The following GABRA5 variants were observed in gnomAD, a reference collection of about 807,000 sequenced individuals.
GABRA5 encodes the protein gamma-aminobutyric acid type A receptor subunit alpha5.
GABRA5 carries 18 observed loss-of-function variants against 47.3 expected under a neutral mutation model. The ratio of observed to expected loss-of-function variants is 0.38; its 90% CI spans 0.26 to 0.56. The LOEUF (loss-of-function observed/expected upper bound fraction) is 0.56, where lower values mean the gene tolerates loss of function less well. Ranked by LOEUF, GABRA5 falls within the 20% of genes least tolerant of loss-of-function variation. The pLI, the probability that GABRA5 is intolerant of heterozygous loss-of-function variation, is 0.71. For missense variants in GABRA5, 365 were observed against 599.3 expected (o/e 0.61, Z 4.08); for synonymous variants, 237 against 229.3 (o/e 1.03, Z -0.30).
chr15:26,884,374 T>C (rs905353054), intron 6 of GABRA5, among the ~76,000 whole-genome samples: 3 of 152,212 alleles, frequency 2.0e-5, no homozygotes, highest in Admixed American at 1.3e-4. Flanking sequence ...TTCATTGCCT[T>C]GGATAAATCA....
Position 26,880,009 on chromosome 15 carries a change from C to G in GABRA5, c.87-837C>G, listed in dbSNP as rs1432332269. On this transcript the variant is annotated intron_variant, in intron 3 of 10. Transcript: ENST00000335625. ...AGCTGTAGAAACCTGAGGTGGGATC[C>G]ATGCTCTTCAGCTGTGGGGCTGTCT... Among the ~76,000 whole-genome samples the G allele has an allele frequency of 2.0e-5, 3 of 152,192 alleles. No homozygotes were observed. The South Asian group carries it at 6.2e-4, about 32-fold the overall frequency.
rs148594278 is a variant in GABRA5 at position 26,923,372 on chromosome 15, G to A, written c.580+8487G>A. On this transcript the variant is annotated intron_variant, in intron 7 of 10. Coordinates refer to ENST00000335625, the MANE Select transcript of GABRA5 (RefSeq NM_000810.4). The stretch of plus-strand genomic sequence containing the variant: ...ACTGAAGATATTTCACTGGATATGG[G>A]ATTAAGCTTTGACAGTTCTTTTGGC... Among the ~76,000 whole-genome samples, 71 of 152,280 alleles carry A rather than the reference G, an allele frequency of 4.7e-4. No individual in the cohort carries two copies. In the East Asian group the frequency reaches 0.013, roughly 27 times the overall value.
chr15:26,943,506 G>T (rs569156389), intron 10 of GABRA5, 80 bp downstream of exon 10: 2 of 1,288,950 alleles, frequency 1.6e-6, no homozygotes, highest in Non-Finnish European at 2.2e-6. Flanking sequence ...CATGAGACAA[G>T]GTGCTGCTCC....
chr15:26,915,063 A>G (rs1893688792), intron 7 of GABRA5, among the ~76,000 whole-genome samples, 178 bp downstream of exon 7: 1 of 152,232 alleles, frequency 6.6e-6, no homozygotes, highest in South Asian at 2.1e-4. Flanking sequence ...AAATGGGGTC[A>G]TTAACACCTG....
At chr15:26,905,585 C>A (rs907924048) in intron 6 of GABRA5, among the ~76,000 whole-genome samples, 1 of 151,626 alleles carries the variant, frequency 6.6e-6, no homozygotes, top group Non-Finnish European at 1.5e-5. Flanking sequence ...TCTTCTTTTT[C>A]TCTTGTTCTG....
At chr15:26,932,923 A>G (rs1237613586) in intron 7 of GABRA5, among the ~76,000 whole-genome samples, 1 of 152,126 alleles carries the variant, frequency 6.6e-6, no homozygotes, top group African/African-American at 2.4e-5. Flanking sequence ...AGGGTGGGGA[A>G]TAACACACAC....
At chr15:26,911,217 A>G (rs1034008266) in intron 6 of GABRA5, among the ~76,000 whole-genome samples, 2 of 152,126 alleles carry the variant, frequency 1.3e-5, no homozygotes, top group African/African-American at 4.8e-5. Flanking sequence ...CAAGGCTCTA[A>G]TAATAGCATT....
chr15:26,880,376 G>C (rs1816862313), intron 3 of GABRA5, among the ~76,000 whole-genome samples: 1 of 152,112 alleles, frequency 6.6e-6, no homozygotes, highest in Admixed American at 6.5e-5. Flanking sequence ...TAAGGATGCA[G>C]TGAGGTTTGG....
chr15:26,936,386 G>T (rs967469396), intron 7 of GABRA5, among the ~76,000 whole-genome samples: 1 of 152,120 alleles, frequency 6.6e-6, no homozygotes, highest in Non-Finnish European at 1.5e-5. Flanking sequence ...ACTCTCCTCG[G>T]CTTATGGCCC....
intron 7 of GABRA5, among the ~76,000 whole-genome samples, chr15:26,929,913 C>T (rs558247926): frequency 6.6e-6 from 1 of 152,302 alleles, no homozygotes; most frequent in South Asian, 2.1e-4. Context: ...TATTCTCTCC[C>T]AAACAGGCTT....
At chr15:26,885,846 G>A (rs563589872) in intron 6 of GABRA5, among the ~76,000 whole-genome samples, 2 of 152,302 alleles carry the variant, frequency 1.3e-5, no homozygotes, top group South Asian at 4.1e-4. Context: ...GGGCTGGGAG[G>A]AATGCTGGAT....
chr15:26,942,347 C>T (rs1273401280), intron 9 of GABRA5, among the ~76,000 whole-genome samples: 1 of 152,184 alleles, frequency 6.6e-6, no homozygotes, highest in Non-Finnish European at 1.5e-5. Context: ...TCCTAGTGGC[C>T]ACAGGCACCA....
intron 6 of GABRA5, among the ~76,000 whole-genome samples, chr15:26,896,107 C>T (rs539298810): frequency 7.2e-5 from 11 of 152,258 alleles, no homozygotes; most frequent in Admixed American, 2.6e-4. Flanking sequence ...CTCCTTTGCC[C>T]GACATCATAC....
chr15:26,940,906 T>C (rs1193747866), intron 9 of GABRA5, among the ~76,000 whole-genome samples: 1 of 152,240 alleles, frequency 6.6e-6, no homozygotes, highest in Non-Finnish European at 1.5e-5. Context: ...AAGGCAGTTT[T>C]GCCAGTCAGT....
At chr15:26,890,976 TAA>T (rs1243777540) in intron 6 of GABRA5, among the ~76,000 whole-genome samples, 2 of 152,200 alleles carry the variant, frequency 1.3e-5, no homozygotes, top group African/African-American at 2.4e-5. Flanking sequence ...GCCAATTTAA[TAA>T]AGAGTCAGAT....
chr15:26,938,631 A>C (rs1268741335), intron 8 of GABRA5, among the ~76,000 whole-genome samples: 1 of 152,220 alleles, frequency 6.6e-6, no homozygotes, highest in Non-Finnish European at 1.5e-5. Context: ...TTGGATCACC[A>C]GTAGAGATCC....
At chr15:26,898,854 G>T (rs1249894706) in intron 6 of GABRA5, among the ~76,000 whole-genome samples, 5 of 151,578 alleles carry the variant, frequency 3.3e-5, no homozygotes, top group Non-Finnish European at 5.9e-5. Flanking sequence ...CACTGCTTTT[G>T]CTAGTCCCAT....
At chr15:26,895,984 C>T (rs1052424159) in intron 6 of GABRA5, among the ~76,000 whole-genome samples, 2 of 152,092 alleles carry the variant, frequency 1.3e-5, no homozygotes, top group South Asian at 2.1e-4. Flanking sequence ...CACAGTGGTC[C>T]GGATCCCCTT....
chr15:26,909,507 A>G (rs1392885964), intron 6 of GABRA5, among the ~76,000 whole-genome samples: 1 of 152,202 alleles, frequency 6.6e-6, no homozygotes, highest in African/African-American at 2.4e-5. Flanking sequence ...TGTAATTCCA[A>G]AAGGGTCCCA....
Sources: gnomAD v4.1 joint callset for allele counts (sites outside exome capture counted in the v4.1 genomes callset) on GRCh38, gnomAD v4.1.1 for gene constraint, MANE v1.5 for transcripts, NCBI Gene and HGNC (gene_info 2026-07-23, HGNC 2026-07-21) for gene names.